The following GALNT1 variants were observed in gnomAD, a reference collection of about 807,000 sequenced individuals.
GALNT1 encodes the protein polypeptide N-acetylgalactosaminyltransferase 1.
Under a neutral mutation model 65.7 loss-of-function variants are expected in GALNT1, and 17 were observed. The ratio of observed to expected loss-of-function variants is 0.26; its 90% CI spans 0.18 to 0.39. GALNT1 has a LOEUF of 0.39. GALNT1 is among the 10% of genes least tolerant of loss of function. The pLI is 1.00. For missense variants in GALNT1, 460 were observed against 672.8 expected (o/e 0.68, Z 3.50); for synonymous variants, 210 against 219.7 (o/e 0.96, Z 0.39).
At chr18:35,666,175 A>G (rs2047546896) in intron 3 of GALNT1, among the ~76,000 whole-genome samples, 2 of 152,224 alleles carry the variant, frequency 1.3e-5, no homozygotes, top group African/African-American at 4.8e-5. Context: ...TTAAATGAGC[A>G]TTACCTTCAG....
chr18:35,682,147 T>C lies in GALNT1; in HGVS notation c.482-1244T>C, dbSNP rs530762142. ...CTTGGTTCATAAAATCACAGTGATA[T>C]CTTTCAGATAACTTTTTAGCTCAAA... On this transcript the variant is annotated intron_variant, in intron 4 of 11. Transcript: ENST00000269195. 2.6e-5 allele frequency among the ~76,000 whole-genome samples: 4 copies of C among 152,278 alleles called. No individual in the cohort carries two copies. The East Asian group carries it at 7.7e-4, about 29-fold the overall frequency.
chr18:35,634,916 A>G (rs1025964679), intron 1 of GALNT1, among the ~76,000 whole-genome samples: 8 of 152,142 alleles, frequency 5.3e-5, no homozygotes, highest in African/African-American at 1.4e-4. Flanking sequence ...TTTCCTGTAC[A>G]CTGATTTATT....
At chr18:35,582,553 C>G (rs1354517625) in intron 1 of GALNT1, among the ~76,000 whole-genome samples, 3 of 152,222 alleles carry the variant, frequency 2.0e-5, no homozygotes, top group Non-Finnish European at 4.4e-5. Flanking sequence ...CTCAAAGCCA[C>G]TGAGCTAACC....
In GALNT1 at chr18:35,710,646, T is replaced by G. The variant is rs2048338555; in HGVS notation, c.*876T>G. 6.6e-6 allele frequency: 1 copy of G among 152,640 alleles called. No homozygotes were observed. Among genetic ancestry groups the G allele is most frequent in the African/African-American group, 2.4e-5 (1 of 41,464 alleles). The allele number at this position is 152,640 out of a possible 1,614,324, so 9.5% of individuals were successfully genotyped here. A position where few individuals can be genotyped will look rare whatever the true frequency, so the allele number is the denominator to read the frequency against. On this transcript the variant is annotated 3_prime_UTR_variant, in exon 12 of 12. Transcript: ENST00000269195. Reference sequence around the variant, plus strand: ...TTCAGTTGCTCTTGGGTCAACTGGCTTACAGATTTACATGTGCACACACAC... The same window carrying G: ...TTCAGTTGCTCTTGGGTCAACTGGCGTACAGATTTACATGTGCACACACAC...
intron 1 of GALNT1, among the ~76,000 whole-genome samples, chr18:35,624,982 TAATA>T (rs1159662539): frequency 6.6e-6 from 1 of 152,156 alleles, no homozygotes; most frequent in African/African-American, 2.4e-5. Flanking sequence ...ACAAGATAAT[TAATA>T]AATTAATTAA....
At chr18:35,659,984 G>T (rs781393367) in intron 2 of GALNT1, 2 of 152,038 alleles carry the variant, frequency 1.3e-5, no homozygotes, top group African/African-American at 4.8e-5. Context: ...GCATTTTATT[G>T]CATCTTACAT....
intron 1 of GALNT1, among the ~76,000 whole-genome samples, chr18:35,609,093 G>A (rs953620664): frequency 6.6e-6 from 1 of 152,282 alleles, no homozygotes; most frequent in Non-Finnish European, 1.5e-5. Context: ...AGTTTTGTCA[G>A]ACTAAGATTT....
intron 1 of GALNT1, among the ~76,000 whole-genome samples, chr18:35,636,739 A>G (rs1286010958): frequency 1.4e-5 from 2 of 144,054 alleles, no homozygotes; most frequent in Non-Finnish European, 3.0e-5. Context: ...AGGCATGTCC[A>G]TGTTATTGTA....
intron 4 of GALNT1, among the ~76,000 whole-genome samples, chr18:35,681,561 GCTTT>G (rs2047786602): frequency 6.6e-6 from 1 of 151,978 alleles, no homozygotes; most frequent in Non-Finnish European, 1.5e-5. Flanking sequence ...GGATTAGATT[GCTTT>G]AGTTCTGAAG....
chr18:35,650,248 A>C (rs1397468011), intron 1 of GALNT1, among the ~76,000 whole-genome samples: 1 of 152,162 alleles, frequency 6.6e-6, no homozygotes, highest in East Asian at 1.9e-4. Flanking sequence ...GAGCCGTAAA[A>C]CCAGCAAGTT....
chr18:35,692,320 G>A lies in GALNT1; in HGVS notation c.1299G>A (p.Glu433=), dbSNP rs1355436746. Residue 433 remains glutamate, a splice_region_variant and synonymous_variant, in exon 9 of 12, where the codon GAG becomes GAA. Transcript: ENST00000269195. ...CACGTCACTATTTCTCATTGGGAGA[G>A]GTAAGAAATATATATATATATATTC... is the stretch of plus-strand genomic sequence containing the variant. ...QIPRHYFSLG[E]IRNVETNQCL... 29 of 1,539,860 alleles carry A rather than the reference G, an allele frequency of 1.9e-5. No individual in the cohort carries two copies. Among genetic ancestry groups the A allele is most frequent in the Non-Finnish European group, 2.1e-5 (24 of 1,125,646 alleles).
At chr18:35,599,563 G>T (rs1437262418) in intron 1 of GALNT1, among the ~76,000 whole-genome samples, 1 of 151,950 alleles carries the variant, frequency 6.6e-6, no homozygotes, top group African/African-American at 2.4e-5. Flanking sequence ...ATAAAGACCT[G>T]GTTTCACCAG....
intron 4 of GALNT1, among the ~76,000 whole-genome samples, chr18:35,680,169 TC>T (rs2047765974): frequency 6.6e-6 from 1 of 152,166 alleles, no homozygotes; most frequent in Admixed American, 6.6e-5. Flanking sequence ...TCATCCTTCT[TC>T]CTATCTCAGG....
Position 35,687,198 on chromosome 18 carries a change from G to C in GALNT1, c.860+12G>C. ...ACTCTTCCTGTCAGGTAATTAATTT[G>C]TCAGACATTTTGCCTAAAGTGTTAT... On this transcript the variant is annotated intron_variant, in intron 6 of 11. Transcript: ENST00000269195. 6.2e-7 allele frequency: 1 copy of C among 1,608,660 alleles called. No homozygotes were observed. The highest frequency in any genetic ancestry group is 8.5e-7 in the Non-Finnish European group (1 of 1,177,426).
intron 1 of GALNT1, among the ~76,000 whole-genome samples, chr18:35,585,522 A>G (rs1035172007): frequency 3.3e-5 from 5 of 152,322 alleles, no homozygotes; most frequent in East Asian, 1.9e-4. Context: ...TTGTAAAGCT[A>G]TAGTACAATT....
chr18:35,680,351 C>T (rs1032143516), intron 4 of GALNT1, among the ~76,000 whole-genome samples: 6 of 152,130 alleles, frequency 3.9e-5, no homozygotes, highest in African/African-American at 1.4e-4. Context: ...TGTCACATCC[C>T]TCTGAAAACA....
rs534588273 is a variant in GALNT1, at chr18:35,630,697, T to G, written c.-103-23863T>G. Among the ~76,000 whole-genome samples, 433 of 152,120 alleles carry G rather than the reference T, an allele frequency of 2.8e-3. 1 individual carries two copies. The highest frequency in any genetic ancestry group is 9.7e-3 in the African/African-American group (402 of 41,474). Reference sequence around the variant, plus strand: ...AAGCTAGCAGGAGGCAAGAAATAACTAAGATCAGAGCAGAACTAAAGGAGA... The same window carrying G: ...AAGCTAGCAGGAGGCAAGAAATAACGAAGATCAGAGCAGAACTAAAGGAGA... On this transcript the variant is annotated intron_variant, in intron 1 of 11. Coordinates refer to ENST00000269195, the MANE Select transcript of GALNT1 (RefSeq NM_020474.4).
intron 1 of GALNT1, among the ~76,000 whole-genome samples, chr18:35,637,611 A>C (rs1323520426): frequency 6.6e-6 from 1 of 152,240 alleles, no homozygotes; most frequent in African/African-American, 2.4e-5. Context: ...CCATCTCCAC[A>C]ATGTAAAAAC....
At chr18:35,630,929 T>G (rs2046997895) in intron 1 of GALNT1, among the ~76,000 whole-genome samples, 1 of 152,176 alleles carries the variant, frequency 6.6e-6, no homozygotes, top group Admixed American at 6.5e-5. Flanking sequence ...TAAACACCTC[T>G]ACACAAATAA....
Sources: allele counts gnomAD v4.1 joint callset (sites outside exome capture counted in the v4.1 genomes callset), GRCh38; gene constraint gnomAD v4.1.1; transcripts MANE v1.5; gene names NCBI Gene and HGNC (gene_info 2026-07-23, HGNC 2026-07-21).